The following CEP85L variants were observed in gnomAD, a reference collection of about 807,000 sequenced individuals.
CEP85L encodes centrosomal protein 85L.
Under a neutral mutation model 100.3 loss-of-function variants are expected in CEP85L, and 60 were observed. That is an observed-to-expected ratio of 0.60 (90% confidence interval 0.49 to 0.74). The LOEUF is 0.74. Ranked by LOEUF, CEP85L falls within the 30% of genes least tolerant of loss-of-function variation. The pLI is 0.00. For missense variants in CEP85L, 973 were observed against 936.2 expected (o/e 1.04, Z -0.51); for synonymous variants, 319 against 322.7 (o/e 0.99, Z 0.12).
At chr6:118,543,329 T>A (rs981327951) in intron 3 of CEP85L, among the ~76,000 whole-genome samples, 7 of 152,210 alleles carry the variant, frequency 4.6e-5, no homozygotes, top group African/African-American at 1.7e-4. Context: ...TTCTTTCAAC[T>A]TATCCTTTTT....
intron 6 of CEP85L, among the ~76,000 whole-genome samples, chr6:118,488,185 T>C (rs1313775257): frequency 6.6e-6 from 1 of 151,758 alleles, no homozygotes; most frequent in Non-Finnish European, 1.5e-5. Context: ...CACAGGGAAA[T>C]ATGTCCAAAA....
chr6:118,617,723 A>G (rs1468975196), intron 2 of CEP85L, among the ~76,000 whole-genome samples: 1 of 152,070 alleles, frequency 6.6e-6, no homozygotes, highest in South Asian at 2.1e-4. Context: ...TCTTGGTCCA[A>G]GTATCTGTCA....
At chr6:118,468,749 T>A (rs1201024679) in intron 12 of CEP85L, among the ~76,000 whole-genome samples, 1 of 152,150 alleles carries the variant, frequency 6.6e-6, no homozygotes, top group Non-Finnish European at 1.5e-5. Context: ...TCTATACAAC[T>A]AACACATGAA....
At chr6:118,537,575 G>GCT (rs1777666464) in intron 3 of CEP85L, 1 of 985,044 alleles carries the variant, frequency 1.0e-6, no homozygotes, top group Non-Finnish European at 1.2e-6. Flanking sequence ...AGGATAGCAG[G>GCT]CATCTACAAC....
chr6:118,612,650 G>A (rs2115235434), intron 2 of CEP85L, among the ~76,000 whole-genome samples: 1 of 91,014 alleles, frequency 1.1e-5, no homozygotes, highest in Non-Finnish European at 2.0e-5. Context: ...GACAGAGTGA[G>A]ACTCTGTCTC....
intron 1 of CEP85L, among the ~76,000 whole-genome samples, chr6:118,683,187 A>G (rs1055754923): frequency 6.6e-6 from 1 of 152,164 alleles, no homozygotes; most frequent in African/African-American, 2.4e-5. Flanking sequence ...CTCTTATACT[A>G]TGATTATAAA....
At chr6:118,626,099 G>A (rs1214994474) in intron 2 of CEP85L, among the ~76,000 whole-genome samples, 1 of 152,142 alleles carries the variant, frequency 6.6e-6, no homozygotes, top group Non-Finnish European at 1.5e-5. Flanking sequence ...TGTTTAGAGG[G>A]GGGACTGAGA....
intron 5 of CEP85L, 76 bp downstream of exon 5, chr6:118,511,222 C>A (rs1011271946): frequency 2.3e-6 from 2 of 873,806 alleles, no homozygotes; most frequent in African/African-American, 3.4e-5. Context: ...TTAAAATGTC[C>A]TTATATTACA....
chr6:118,612,327 G>C (rs1419356947), intron 2 of CEP85L, among the ~76,000 whole-genome samples: 1 of 151,828 alleles, frequency 6.6e-6, no homozygotes, highest in Non-Finnish European at 1.5e-5. Flanking sequence ...CACAGCTAAA[G>C]CAGTTCTGAG....
chr6:118,648,026 G>A (rs893872286), intron 1 of CEP85L, among the ~76,000 whole-genome samples: 3 of 152,152 alleles, frequency 2.0e-5, no homozygotes, highest in Non-Finnish European at 2.9e-5. Flanking sequence ...GGCTGAGGCC[G>A]GTGGATCACT....
chr6:118,639,006 A>G (rs1315846121), intron 1 of CEP85L, among the ~76,000 whole-genome samples: 1 of 152,184 alleles, frequency 6.6e-6, no homozygotes, highest in Non-Finnish European at 1.5e-5. Context: ...CACTACTGAC[A>G]AAGCAGATTT....
At chr6:118,633,356 C>A (rs1234477550) in intron 1 of CEP85L, among the ~76,000 whole-genome samples, 1 of 151,954 alleles carries the variant, frequency 6.6e-6, no homozygotes, top group African/African-American at 2.4e-5. Context: ...AGGTGCCCAC[C>A]ACCACACCCC....
intron 5 of CEP85L, among the ~76,000 whole-genome samples, chr6:118,503,770 A>AT (rs1446127725): frequency 6.8e-6 from 1 of 146,168 alleles, no homozygotes; most frequent in Admixed American, 7.0e-5. Flanking sequence ...CAGACCTTAT[A>AT]TTTTTTACAA....
chr6:118,633,117 A>G (rs566881247), intron 1 of CEP85L, among the ~76,000 whole-genome samples: 3 of 152,004 alleles, frequency 2.0e-5, no homozygotes, highest in Middle Eastern at 6.8e-3. Flanking sequence ...AAATTTTTAA[A>G]TTTTACATTA....
At chr6:118,599,973 A>C (rs1293943668) in intron 2 of CEP85L, among the ~76,000 whole-genome samples, 1 of 152,212 alleles carries the variant, frequency 6.6e-6, no homozygotes, top group African/African-American at 2.4e-5. Context: ...TGTCCTGGAT[A>C]GGAACCAGGA....
At chr6:118,651,662 T>G, upstream of CEP85L, 1 of 925,492 alleles carries the variant, frequency 1.1e-6, no homozygotes, top group Non-Finnish European at 1.3e-6. Flanking sequence ...GGCAATGACT[T>G]CAGGCGTGCG....
Position 118,701,806 on chromosome 6 carries a change from C to G in CEP85L, c.-28+8230G>C, listed in dbSNP as rs114453237. 1.7e-3 allele frequency among the ~76,000 whole-genome samples: 260 copies of G among 152,192 alleles called. 2 individuals are homozygous for G. The highest frequency in any genetic ancestry group is 6.0e-3 in the African/African-American group (249 of 41,504). On this transcript the variant is annotated intron_variant, in intron 1 of 13. Coordinates refer to the CEP85L transcript ENST00000368488. The stretch of plus-strand genomic sequence containing the variant: ...GAAAAAAAACAAAGAAGATTGGGTT[C>G]CTGAACCAGTCACCAGCAAGGGAGA...
rs1772308044 is a variant in CEP85L, at chr6:118,463,017, T to C, written c.*2388A>G. ...ACTAGCACATCTTAACTCCCTTTTT[T>C]ATGGGGGGAGGGTACAGATTTTGGA... On this transcript the variant is annotated 3_prime_UTR_variant, in exon 13 of 13. Transcript: ENST00000368491. The C allele has an allele frequency of 6.6e-6, 1 of 151,178 alleles. No individual in the cohort carries two copies. Among genetic ancestry groups the C allele is most frequent in the South Asian group, 2.1e-4 (1 of 4,832 alleles). The allele number at this position is 151,178 out of a possible 1,614,324, so 9.4% of individuals were successfully genotyped here. A position where few individuals can be genotyped will look rare whatever the true frequency, so the allele number is the denominator to read the frequency against.
At chr6:118,700,983 C>A (rs538611673) in intron 1 of CEP85L, among the ~76,000 whole-genome samples, 9 of 152,248 alleles carry the variant, frequency 5.9e-5, no homozygotes, top group African/African-American at 1.9e-4. Flanking sequence ...AGGAGGGAAT[C>A]CCTCTTGGTT....
Sources: allele counts gnomAD v4.1 joint callset (sites outside exome capture counted in the v4.1 genomes callset), GRCh38; gene constraint gnomAD v4.1.1; transcripts MANE v1.5; gene names NCBI Gene and HGNC (gene_info 2026-07-23, HGNC 2026-07-21).